Variants in NEDD4L observed in about 807,000 individuals in gnomAD.
NEDD4L encodes E3 ubiquitin-protein ligase NEDD4-like.
NEDD4L carries 54 observed loss-of-function variants against 148.9 expected under a neutral mutation model. That is an observed-to-expected ratio of 0.36 (90% CI 0.29 to 0.45). The LOEUF is 0.45. Ranked by LOEUF, NEDD4L falls within the 20% of genes least tolerant of loss-of-function variation. The pLI, the probability that NEDD4L is intolerant of heterozygous loss-of-function variation, is 1.00. For missense variants in NEDD4L, 856 were observed against 1,233.8 expected, an observed-to-expected ratio of 0.69 and a Z score of 4.59; for synonymous variants, 433 against 440.7, an observed-to-expected ratio of 0.98 and a Z score of 0.22.
intron 1 of NEDD4L, among the ~76,000 whole-genome samples, chr18:58,067,579 A>T (rs1301206142): frequency 6.6e-6 from 1 of 152,186 alleles, no homozygotes; most frequent in Non-Finnish European, 1.5e-5. Context: ...GTTCCCATGG[A>T]ATTGGGTCTC....
At chr18:58,324,899 A>T in intron 8 of NEDD4L, 97 bp from the exon 9 acceptor site, 2 of 1,169,776 alleles carry the variant, frequency 1.7e-6, no homozygotes, top group Non-Finnish European at 2.4e-6. Context: ...AGAGAGCCCC[A>T]GAGCAAGGAG....
At chr18:58,372,165 G>C (rs1033844238) in intron 23 of NEDD4L, 2 of 152,160 alleles carry the variant, frequency 1.3e-5, no homozygotes, top group Non-Finnish European at 2.9e-5. Flanking sequence ...CCAGGCTGGA[G>C]TACAGTGGCA....
chr18:58,388,315 A>G (rs2049323475), intron 27 of NEDD4L: 1 of 152,222 alleles, frequency 6.6e-6, no homozygotes, highest in Non-Finnish European at 1.5e-5. Flanking sequence ...AAGATCGATG[A>G]TGTCTATAGA....
intron 26 of NEDD4L, among the ~76,000 whole-genome samples, chr18:58,386,679 C>G (rs2049069519): frequency 6.6e-6 from 1 of 152,188 alleles, no homozygotes; most frequent in African/African-American, 2.4e-5. Context: ...AGGAAACAGC[C>G]TCGTGTCCAC....
chr18:58,341,673 A>C lies in NEDD4L; in HGVS notation c.1258-5A>C, dbSNP rs768158353. 115 of 1,611,968 alleles carry C rather than the reference A, an allele frequency of 7.1e-5. No individual in the cohort carries two copies. The highest frequency in any genetic ancestry group is 6.6e-4 in the Middle Eastern group (4 of 6,082). On this transcript the variant is annotated splice_region_variant and splice_polypyrimidine_tract_variant and intron_variant, in intron 14 of 30. Transcript: ENST00000400345. ...GAAGCTAACTTGTTTTTGCCTCCAA[A>C]ATAGCTTGCAGAAGATGGTGCGTCC... is the stretch of plus-strand genomic sequence containing the variant.
intron 5 of NEDD4L, among the ~76,000 whole-genome samples, chr18:58,290,033 T>C (rs1461575088): frequency 6.6e-6 from 1 of 152,232 alleles, no homozygotes; most frequent in Non-Finnish European, 1.5e-5. Flanking sequence ...ATTTGTATGA[T>C]TAAAACAAAA....
At chr18:58,056,648 T>C (rs1300982660) in intron 1 of NEDD4L, among the ~76,000 whole-genome samples, 1 of 152,156 alleles carries the variant, frequency 6.6e-6, no homozygotes, top group African/African-American at 2.4e-5. Context: ...TGACACCATC[T>C]TGGTTCACTG....
chr18:58,069,136 C>CAAA (rs1161273608), intron 1 of NEDD4L, among the ~76,000 whole-genome samples: 19 of 73,236 alleles, frequency 2.6e-4, no homozygotes, highest in African/African-American at 5.2e-4. Context: ...AATCTGTCTC[C>CAAA]AAAAAAAAAA....
chr18:58,358,200 G>A (rs2044963471), intron 19 of NEDD4L, among the ~76,000 whole-genome samples: 1 of 152,122 alleles, frequency 6.6e-6, no homozygotes, highest in Admixed American at 6.5e-5. Flanking sequence ...AAACTTAAAA[G>A]ATACTACATT....
rs1601653853 is a variant in NEDD4L, at chr18:58,357,269, T to C, written c.1767+17T>C. 2 of 1,607,094 alleles carry C rather than the reference T, an allele frequency of 1.2e-6. No homozygotes were observed. Among genetic ancestry groups the C allele is most frequent in the East Asian group, 2.2e-5 (1 of 44,844 alleles). ...ACTGGTCCGGTCAGTATTTTCAAATTCTGCCTCTTCAGTATAAGATTTTGG... is the reference window on the plus strand; with the variant it reads ...ACTGGTCCGGTCAGTATTTTCAAATCCTGCCTCTTCAGTATAAGATTTTGG... On this transcript the variant is annotated intron_variant, in intron 19 of 30. Coordinates refer to ENST00000400345, the MANE Select transcript of NEDD4L (RefSeq NM_001144967.3).
chr18:58,044,759 G>C (rs1418154429), intron 1 of NEDD4L, 51 bp downstream of exon 1: 2 of 1,586,156 alleles, frequency 1.3e-6, no homozygotes, highest in African/African-American at 2.7e-5. Flanking sequence ...TTCCTATCCC[G>C]CGCCGGCAGG....
At chr18:58,393,521 A>T (rs2147054032) in intron 30 of NEDD4L, among the ~76,000 whole-genome samples, 1 of 152,338 alleles carries the variant, frequency 6.6e-6, no homozygotes, top group South Asian at 2.1e-4. Context: ...TGTCACGGAA[A>T]TAAAGCAACT....
At chr18:58,183,898 G>GCA (rs2039130478) in intron 2 of NEDD4L, among the ~76,000 whole-genome samples, 1 of 152,192 alleles carries the variant, frequency 6.6e-6, no homozygotes, top group Non-Finnish European at 1.5e-5. Flanking sequence ...GGCCAGGCAT[G>GCA]GTGGCTCACG....
At chr18:58,151,625 A>ATGTGTGTGTGTG (rs113714456) in intron 1 of NEDD4L, among the ~76,000 whole-genome samples, 2,281 of 141,040 alleles carry the variant, frequency 0.016, 51 homozygotes, top group South Asian at 0.054. Flanking sequence ...GTGCCTGGAT[A>ATGTGTGTGTGTG]TGTGTGTGTG....
At chr18:58,147,067 G>T (rs1043486522) in intron 1 of NEDD4L, among the ~76,000 whole-genome samples, 6 of 152,182 alleles carry the variant, frequency 3.9e-5, no homozygotes, top group African/African-American at 1.4e-4. Flanking sequence ...CCTGATGATG[G>T]CAGATTTCTC....
At chr18:58,326,822 C>T (rs1209160599) in intron 9 of NEDD4L, among the ~76,000 whole-genome samples, 2 of 152,208 alleles carry the variant, frequency 1.3e-5, no homozygotes, top group East Asian at 1.9e-4. Flanking sequence ...TTGCTACTTT[C>T]TCTGCCTCAC....
At chr18:58,084,781 A>G (rs1011051949) in intron 1 of NEDD4L, among the ~76,000 whole-genome samples, 1 of 150,880 alleles carries the variant, frequency 6.6e-6, no homozygotes, top group African/African-American at 2.4e-5. Flanking sequence ...TGCAGCCTCA[A>G]CTTCCTGGGC....
intron 25 of NEDD4L, among the ~76,000 whole-genome samples, chr18:58,384,996 A>G (rs142551474): frequency 1.3e-5 from 2 of 152,358 alleles, no homozygotes; most frequent in African/African-American, 4.8e-5. Flanking sequence ...TTAAATTATG[A>G]GTGCAAATCA....
chr18:58,241,696 A>G lies in NEDD4L; in HGVS notation c.123-3731A>G, dbSNP rs898709168. ...GTCACAATCATGTTTTCATTTCTCT[A>G]TGTTCCATTTCAACTGGATAGGGAC... is the stretch of plus-strand genomic sequence containing the variant. On this transcript the variant is annotated intron_variant, in intron 2 of 30. Coordinates refer to ENST00000400345, the MANE Select transcript of NEDD4L (RefSeq NM_001144967.3). Among the ~76,000 whole-genome samples, 5 of 151,852 alleles carry G rather than the reference A, an allele frequency of 3.3e-5. No individual in the cohort carries two copies. In the East Asian group the frequency reaches 5.8e-4, roughly 18 times the overall value.
Sources: allele counts gnomAD v4.1 joint callset (sites outside exome capture counted in the v4.1 genomes callset), GRCh38; gene constraint gnomAD v4.1.1; transcripts MANE v1.5; gene names NCBI Gene and HGNC (gene_info 2026-07-23, HGNC 2026-07-21).